The following HS6ST3 variants were observed in gnomAD, a reference collection of about 807,000 sequenced individuals.
The protein encoded by HS6ST3 is heparan sulfate 6-O-sulfotransferase 3.
A neutral mutation model predicts 36.7 loss-of-function variants in HS6ST3; 12 were observed. The ratio of observed to expected loss-of-function variants is 0.33; its 90% confidence interval spans 0.21 to 0.53. The LOEUF (loss-of-function observed/expected upper bound fraction) is 0.53, where lower values mean the gene tolerates loss of function less well. Among genes scored for constraint, HS6ST3 ranks in the 20% least tolerant of loss-of-function variants. HS6ST3 has a pLI of 0.95. For synonymous variants in HS6ST3, 240 were observed against 257.5 expected, an observed-to-expected ratio of 0.93 and a Z score of 0.65; for missense variants, 584 against 640.9, an observed-to-expected ratio of 0.91 and a Z score of 0.96.
intron 1 of HS6ST3, among the ~76,000 whole-genome samples, chr13:96,809,943 A>G (rs1179013177): frequency 2.6e-5 from 4 of 152,210 alleles, no homozygotes; most frequent in South Asian, 2.1e-4. Flanking sequence ...TTTGGAGTGA[A>G]TTACTGGTAC....
Position 96,130,997 on chromosome 13 carries a change from C to T in HS6ST3, c.707+39428C>T, listed in dbSNP as rs1289306657. Among the ~76,000 whole-genome samples the T allele has an allele frequency of 3.3e-5, 5 of 152,290 alleles. No homozygotes were observed. The East Asian group carries it at 9.7e-4, about 29-fold the overall frequency. On this transcript the variant is annotated intron_variant, in intron 1 of 1. Transcript: ENST00000376705. ...CTACCTGCATTCTTAACGCTGTTCC[C>T]TCCCACTACCAAGCAGAGTATTTGA...
chr13:96,786,016 T>C (rs995734312), intron 1 of HS6ST3, among the ~76,000 whole-genome samples: 2 of 152,130 alleles, frequency 1.3e-5, no homozygotes, highest in African/African-American at 4.8e-5. Context: ...TAAAATCAAC[T>C]AAACTTTGTG....
intron 1 of HS6ST3, among the ~76,000 whole-genome samples, chr13:96,544,603 GTTA>G: frequency 6.6e-6 from 1 of 152,248 alleles, no homozygotes; most frequent in South Asian, 2.1e-4. Context: ...TTTTATTCAA[GTTA>G]TTATTATGAT....
At position 96,091,207 on chromosome 13, in the gene HS6ST3, G is replaced by A; in HGVS notation, c.345G>A (p.Pro115=). 2 of 1,564,692 alleles carry A rather than the reference G, an allele frequency of 1.3e-6. No individual in the cohort carries two copies. Among genetic ancestry groups the A allele is most frequent in the South Asian group, 1.2e-5 (1 of 85,574 alleles). Residue 115 remains proline, a synonymous_variant, in exon 1 of 2, where the codon CCG becomes CCA. Coordinates refer to ENST00000376705, the MANE Select transcript of HS6ST3 (RefSeq NM_153456.4). ...AAGACGAGCCGGACCCCGAGGCCCC[G>A]GAAAACGGCTCCCTGCCCCGATTCG... The part of the protein sequence containing the change: ...EEEDEPDPEA[P]ENGSLPRFVP...
chr13:96,238,388 T>G (rs1035475677), intron 1 of HS6ST3, among the ~76,000 whole-genome samples: 1 of 152,218 alleles, frequency 6.6e-6, no homozygotes, highest in African/African-American at 2.4e-5. Flanking sequence ...CTTTCTTTTT[T>G]GAAGGCAAAT....
At chr13:96,171,336 G>T (rs2054186838) in intron 1 of HS6ST3, among the ~76,000 whole-genome samples, 1 of 152,082 alleles carries the variant, frequency 6.6e-6, no homozygotes, top group Non-Finnish European at 1.5e-5. Flanking sequence ...GGTTTCTCAG[G>T]TCAAAATGTC....
intron 1 of HS6ST3, among the ~76,000 whole-genome samples, chr13:96,317,972 GT>G (rs1231257682): frequency 1.3e-5 from 2 of 152,044 alleles, no homozygotes; most frequent in African/African-American, 2.4e-5. Context: ...TAGATGCACA[GT>G]TTGTGAATAT....
chr13:96,549,909 C>T (rs1387312563), intron 1 of HS6ST3, among the ~76,000 whole-genome samples: 1 of 152,206 alleles, frequency 6.6e-6, no homozygotes, highest in African/African-American at 2.4e-5. Flanking sequence ...AGGCCAACTT[C>T]GGTATTCCCT....
intron 1 of HS6ST3, among the ~76,000 whole-genome samples, chr13:96,601,049 G>T (rs1387820864): frequency 1.3e-5 from 2 of 151,942 alleles, no homozygotes; most frequent in Non-Finnish European, 2.9e-5. Flanking sequence ...AGTCTCATAG[G>T]TTTTTCCTAT....
At chr13:96,189,792 C>A (rs751335220) in intron 1 of HS6ST3, among the ~76,000 whole-genome samples, 1 of 152,134 alleles carries the variant, frequency 6.6e-6, no homozygotes, top group African/African-American at 2.4e-5. Context: ...TTGCAGTGGG[C>A]GTGAACCCAA....
chr13:96,783,672 T>A (rs1160863450), intron 1 of HS6ST3, among the ~76,000 whole-genome samples: 1 of 152,008 alleles, frequency 6.6e-6, no homozygotes, highest in Non-Finnish European at 1.5e-5. Flanking sequence ...TCAGGTTTGT[T>A]AGGCAATTTG....
intron 1 of HS6ST3, among the ~76,000 whole-genome samples, chr13:96,346,530 G>A (rs1304325315): frequency 3.3e-5 from 5 of 151,252 alleles, no homozygotes; most frequent in East Asian, 2.0e-4. Context: ...AGCCGAGATC[G>A]CGCCACTGCA....
chr13:96,293,780 G>A (rs1333611437), intron 1 of HS6ST3, among the ~76,000 whole-genome samples: 1 of 152,124 alleles, frequency 6.6e-6, no homozygotes, highest in East Asian at 1.9e-4. Context: ...TGTCCAGAAA[G>A]CACTGTCTTC....
intron 1 of HS6ST3, among the ~76,000 whole-genome samples, chr13:96,298,034 A>C (rs1458032282): frequency 6.6e-6 from 1 of 152,204 alleles, no homozygotes; most frequent in East Asian, 1.9e-4. Flanking sequence ...TTAAGAAAAA[A>C]AACCTGTTGT....
chr13:96,656,475 G>T (rs2056625239), intron 1 of HS6ST3, among the ~76,000 whole-genome samples: 1 of 152,114 alleles, frequency 6.6e-6, no homozygotes. Flanking sequence ...GAAATCCATT[G>T]TTGGAACTAA....
At chr13:96,800,654 G>A (rs1878043518) in intron 1 of HS6ST3, among the ~76,000 whole-genome samples, 1 of 151,750 alleles carries the variant, frequency 6.6e-6, no homozygotes, top group East Asian at 1.9e-4. Flanking sequence ...ATCCACCCAC[G>A]TATCTGCATC....
rs569660955 is a variant in HS6ST3 at position 96,426,207 on chromosome 13, T to C, written c.707+334638T>C. ...TCGTCAACCTGTCACAGCTGTGTAA[T>C]TATGTAAAGCTAATAAGCTTCATAA... On this transcript the variant is annotated intron_variant, in intron 1 of 1. Coordinates refer to ENST00000376705, the MANE Select transcript of HS6ST3 (RefSeq NM_153456.4). 3.5e-4 allele frequency among the ~76,000 whole-genome samples: 54 copies of C among 152,230 alleles called. 1 individual carries two copies. In the South Asian group the frequency reaches 0.011, roughly 30 times the overall value.
intron 1 of HS6ST3, among the ~76,000 whole-genome samples, chr13:96,252,654 A>T (rs897852282): frequency 3.3e-5 from 5 of 152,008 alleles, no homozygotes; most frequent in African/African-American, 1.2e-4. Context: ...TATAATTTGG[A>T]TATTTGTCCC....
At chr13:96,173,281 G>A (rs1016816550) in intron 1 of HS6ST3, among the ~76,000 whole-genome samples, 2 of 152,116 alleles carry the variant, frequency 1.3e-5, no homozygotes, top group African/African-American at 4.8e-5. Context: ...GAGATTAAGT[G>A]ACTTGTTCAT....
Sources: gnomAD v4.1 joint callset for allele counts (sites outside exome capture counted in the v4.1 genomes callset) on GRCh38, gnomAD v4.1.1 for gene constraint, MANE v1.5 for transcripts, NCBI Gene and HGNC (gene_info 2026-07-23, HGNC 2026-07-21) for gene names.